The following PHF10 variants were observed in gnomAD, a reference collection of about 807,000 sequenced individuals.
PHF10 encodes BRG1-associated factor 45a.
PHF10 carries 51 observed loss-of-function variants against 68.5 expected under a neutral mutation model. That is an observed-to-expected ratio of 0.74 (90% confidence interval 0.59 to 0.94). PHF10 has a LOEUF of 0.94. PHF10 is among the 40% of genes least tolerant of loss of function. The probability of loss-of-function intolerance (pLI) is 0.00; values close to 1 mark genes in which losing one functional copy is unlikely to be tolerated. For synonymous variants in PHF10, 204 were observed against 203.5 expected (o/e 1.00, Z -0.02); for missense variants, 460 against 602.6 (o/e 0.76, Z 2.48).
chr6:169,723,947 G>T lies in PHF10; in HGVS notation c.-16C>A. ...CCGCCGCCATCAGCCCGAGCGCCCC[G>T]CGCCGCCGCCGCCGCCGTCGCCTCC... On this transcript the variant is annotated 5_prime_UTR_variant, in exon 1 of 12. Transcript: ENST00000339209. 1.1e-6 allele frequency: 1 copy of T among 883,348 alleles called. No homozygotes were observed. The allele number at this position is 883,348 out of a possible 1,614,324, so 54.7% of individuals were successfully genotyped here.
intron 1 of PHF10, among the ~76,000 whole-genome samples, chr6:169,723,635 G>A (rs1789239005): frequency 2.6e-5 from 4 of 152,132 alleles, no homozygotes; most frequent in African/African-American, 9.6e-5. Context: ...GCCGCGCCGC[G>A]TCCCCCGCCC....
intron 11 of PHF10, chr6:169,704,852 C>CT (rs1788718695): frequency 3.3e-6 from 1 of 300,902 alleles, no homozygotes; most frequent in African/African-American, 2.2e-5. Flanking sequence ...AAAATAAAGG[C>CT]TTTGTTACTT....
intron 7 of PHF10, 54 bp from the exon 8 acceptor site, chr6:169,712,593 AC>A: frequency 6.7e-7 from 1 of 1,487,250 alleles, no homozygotes; most frequent in South Asian, 1.2e-5. Flanking sequence ...ATATAAACAG[AC>A]TCATCTTTGA....
rs772938693 is a variant in PHF10 at position 169,705,318 on chromosome 6, T to C, written c.1226A>G (p.His409Arg). Residue 409 changes from histidine to arginine, a missense_variant, in exon 11 of 12, where the codon CAT becomes CGT. His to Arg is a conservative substitution (Grantham distance 29). Coordinates refer to ENST00000339209, the MANE Select transcript of PHF10 (RefSeq NM_018288.4). ...CATTGTCATATCCAGGCAAGAAGGA[T>C]GGCCTAAATCAAAACCAGTATTAGT... ...IHCSQCENSG[H>R]PSCLDMTMEL... The C allele has an allele frequency of 6.2e-7, 1 of 1,604,054 alleles. No homozygotes were observed. Among genetic ancestry groups the C allele is most frequent in the Admixed American group, 1.7e-5 (1 of 58,486 alleles).
chr6:169,720,797 T>TTATG (rs1454651965), intron 2 of PHF10, among the ~76,000 whole-genome samples: 1 of 152,212 alleles, frequency 6.6e-6, no homozygotes, highest in Non-Finnish European at 1.5e-5. Flanking sequence ...ATGATTAATT[T>TTATG]TATGTATGTA....
At chr6:169,723,003 G>A (rs979610638) in intron 1 of PHF10, among the ~76,000 whole-genome samples, 2 of 152,190 alleles carry the variant, frequency 1.3e-5, no homozygotes, top group African/African-American at 2.4e-5. Context: ...CTCACAGCAC[G>A]GTGGACGTGC....
At chr6:169,706,777 C>CGT (rs1788809673) in intron 9 of PHF10, among the ~76,000 whole-genome samples, 4 of 125,588 alleles carry the variant, frequency 3.2e-5, no homozygotes, top group African/African-American at 1.3e-4. Flanking sequence ...CACACACACA[C>CGT]ACGTAGATGA....
At chr6:169,707,350 G>A (rs1788825456) in intron 9 of PHF10, 1 of 152,032 alleles carries the variant, frequency 6.6e-6, no homozygotes, top group African/African-American at 2.4e-5. Context: ...CAGCTAGGAA[G>A]TGCACTTCTA....
At position 169,717,817 on chromosome 6, in the gene PHF10, T is replaced by G. The variant is rs952358916; in HGVS notation, c.409+6A>C. On this transcript the variant is annotated splice_donor_region_variant and intron_variant, in intron 4 of 11. Transcript: ENST00000339209. ...TGAAAAATTCACATTAAAAAGCTAT[T>G]CTTACCTAGAGTGCACTGAGTTTCA... 7 of 1,315,002 alleles carry G rather than the reference T, an allele frequency of 5.3e-6. No homozygotes were observed. The African/African-American group carries it at 1.0e-4, about 19-fold the overall frequency. 81.5% of individuals were successfully genotyped at this position (1,315,002 alleles called of 1,614,324 possible).
Position 169,724,436 on chromosome 6 carries a change from CCCT to C in PHF10, c.-508_-506del, listed in dbSNP as rs1789277922. ...GCCGCTCGCCTCAGCCCCGCCGCTC[CCCT>C]CAGCCCCGCGGCCGCCTCAGCCCCG... is the stretch of plus-strand genomic sequence containing the variant. On this transcript the variant is annotated 5_prime_UTR_variant, in exon 1 of 12. Transcript: ENST00000339209. 7.3e-6 allele frequency among the ~76,000 whole-genome samples: 1 copy of C among 137,554 alleles called. No homozygotes were observed. The allele number at this position is 137,554 out of a possible 152,430, so 90.2% of individuals were successfully genotyped here.
chr6:169,721,078 G>A lies in PHF10; in HGVS notation c.121C>T (p.Gln41Ter), dbSNP rs1789165751. 6.5e-7 allele frequency: 1 copy of A among 1,543,796 alleles called. No individual in the cohort carries two copies. Among genetic ancestry groups the A allele is most frequent in the South Asian group, 1.2e-5 (1 of 83,812 alleles). ...CCCATTCGCCTCCTTTTGGATGGCT[G>A]GGTCCCATCATTTGAATTATCTTCA... is the stretch of plus-strand genomic sequence containing the variant. The part of the protein sequence containing the change: ...DNEDNSNDGT[Q>*]PSKRRRMGSG... Residue 41 changes from glutamine to a stop codon, truncating the protein, a stop_gained, in exon 2 of 12, where the codon CAG becomes TAG. Coordinates refer to ENST00000339209, the MANE Select transcript of PHF10 (RefSeq NM_018288.4). LOFTEE classifies it high-confidence loss of function.
chr6:169,713,076 T>C (rs1485311451), intron 7 of PHF10, among the ~76,000 whole-genome samples: 1 of 152,212 alleles, frequency 6.6e-6, no homozygotes, highest in Non-Finnish European at 1.5e-5. Context: ...GGGAAGCATG[T>C]ATTCTAACAA....
At chr6:169,715,482 G>C (rs111252190) in intron 6 of PHF10, among the ~76,000 whole-genome samples, 1 of 152,152 alleles carries the variant, frequency 6.6e-6, no homozygotes, top group South Asian at 2.1e-4. Flanking sequence ...CAGAAGCATC[G>C]CCTGAACCCG....
chr6:169,705,962 T>G (rs1788771284), intron 9 of PHF10, among the ~76,000 whole-genome samples: 1 of 152,180 alleles, frequency 6.6e-6, no homozygotes, highest in Non-Finnish European at 1.5e-5. Flanking sequence ...AATGTAGCAT[T>G]CTATACTCCC....
chr6:169,717,845 A>C lies in PHF10; in HGVS notation c.387T>G (p.Ile129Met), dbSNP rs911177953. 2 of 1,544,174 alleles carry C rather than the reference A, an allele frequency of 1.3e-6. No homozygotes were observed. The highest frequency in any genetic ancestry group is 2.7e-5 in the African/African-American group (2 of 73,488). Residue 129 changes from isoleucine (I) to methionine (M), a missense_variant, in exon 4 of 12, where the codon ATT (isoleucine) becomes ATG (methionine). Physicochemically the swap from Ile to Met is conservative, Grantham distance 10. Coordinates refer to ENST00000339209, the MANE Select transcript of PHF10 (RefSeq NM_018288.4). ...TACCTAGAGTGCACTGAGTTTCAGT[A>C]ATGACATTTAGCTCTCTCAGGTAGA... ...EKLYLRELNV[I>M]TETQCTLGLT...
chr6:169,703,950 G>T lies in PHF10; in HGVS notation c.*53C>A. The stretch of plus-strand genomic sequence containing the variant: ...TTGGCATGAAAATAATGTTGTAAAT[G>T]GCACCAAATATTCCACTTAAATGCA... On this transcript the variant is annotated 3_prime_UTR_variant, in exon 12 of 12. Coordinates refer to ENST00000339209, the MANE Select transcript of PHF10 (RefSeq NM_018288.4). 2 of 1,339,064 alleles carry T rather than the reference G, an allele frequency of 1.5e-6. No homozygotes were observed. The highest frequency in any genetic ancestry group is 1.4e-5 in the South Asian group (1 of 70,404). 82.9% of individuals were successfully genotyped at this position (1,339,064 alleles called of 1,614,324 possible). A position where few individuals can be genotyped will look rare whatever the true frequency, so the allele number is the denominator to read the frequency against.
chr6:169,707,969 G>A (rs1015146644), intron 9 of PHF10: 3 of 152,152 alleles, frequency 2.0e-5, no homozygotes, highest in African/African-American at 4.8e-5. Flanking sequence ...TAACAACTGT[G>A]GCTTAGAGAA....
chr6:169,723,330 GTT>G (rs1320959781), intron 1 of PHF10, among the ~76,000 whole-genome samples: 1 of 152,174 alleles, frequency 6.6e-6, no homozygotes, highest in Non-Finnish European at 1.5e-5. Flanking sequence ...GCAGTAAAAA[GTT>G]TTAACAGACT....
At chr6:169,713,199 A>G (rs7773552) in intron 7 of PHF10, among the ~76,000 whole-genome samples, 84,581 of 152,102 alleles carry the variant, frequency 0.56, 27,549 homozygotes, top group East Asian at 0.98. Flanking sequence ...TTCAGGAGGC[A>G]ACCCTAGATG....
Sources: allele counts gnomAD v4.1 joint callset (sites outside exome capture counted in the v4.1 genomes callset), GRCh38; gene constraint gnomAD v4.1.1; transcripts MANE v1.5; gene names NCBI Gene and HGNC (gene_info 2026-07-23, HGNC 2026-07-21).